XPO4: variants seen among roughly 807,000 people sequenced by gnomAD.
XPO4 encodes exportin-4.
XPO4 carries 39 observed loss-of-function variants against 143.0 expected under a neutral mutation model. The ratio of observed to expected loss-of-function variants is 0.27; its 90% CI spans 0.21 to 0.36. XPO4 has a LOEUF of 0.36. XPO4 is among the 10% of genes least tolerant of loss of function. The pLI is 1.00. For missense variants in XPO4, 907 were observed against 1,348.0 expected, an observed-to-expected ratio of 0.67 and a Z score of 5.12; for synonymous variants, 439 against 474.0, an observed-to-expected ratio of 0.93 and a Z score of 0.96.
chr13:20,798,866 C>A (rs1012899608), intron 16 of XPO4, among the ~76,000 whole-genome samples: 2 of 151,666 alleles, frequency 1.3e-5, no homozygotes, highest in East Asian at 1.9e-4. Flanking sequence ...CTAAAAAAAA[C>A]AAAAATTAGC....
chr13:20,843,181 T>C, intron 5 of XPO4, 133 bp from the exon 6 acceptor site: 1 of 852,580 alleles, frequency 1.2e-6, no homozygotes, highest in Non-Finnish European at 1.8e-6. Context: ...ACGTGTTCCA[T>C]TTTTAGGCCT....
chr13:20,857,902 T>C, intron 3 of XPO4: 5 of 985,000 alleles, frequency 5.1e-6, no homozygotes, highest in Non-Finnish European at 4.8e-6. Context: ...TTATTTCAAT[T>C]AAGAGGAAAA....
intron 6 of XPO4, 138 bp downstream of exon 6, chr13:20,842,757 T>G (rs558687679): frequency 1.3e-6 from 1 of 787,314 alleles, no homozygotes; most frequent in East Asian, 2.8e-5. Flanking sequence ...ATAAAGAAAT[T>G]AAATTCTATT....
chr13:20,850,711 G>T, intron 4 of XPO4: 1 of 783,268 alleles, frequency 1.3e-6, no homozygotes. Flanking sequence ...GCAGCAGTGA[G>T]TTATGAACAT....
intron 6 of XPO4, among the ~76,000 whole-genome samples, chr13:20,827,919 C>T (rs2059804146): frequency 6.6e-6 from 1 of 152,194 alleles, no homozygotes; most frequent in Admixed American, 6.5e-5. Flanking sequence ...ATTGATACTG[C>T]CACAGTAACT....
chr13:20,861,601 TA>T (rs1379882460), intron 3 of XPO4, among the ~76,000 whole-genome samples: 7 of 152,072 alleles, frequency 4.6e-5, no homozygotes, highest in Non-Finnish European at 1.0e-4. Context: ...AGGCCTCATA[TA>T]TTTTTTTTAA....
intron 1 of XPO4, among the ~76,000 whole-genome samples, chr13:20,881,473 T>C (rs879713842): frequency 1.2e-4 from 18 of 152,014 alleles, no homozygotes; most frequent in Non-Finnish European, 2.5e-4. Flanking sequence ...GGTTTCACTG[T>C]GTTAGCCAGG....
chr13:20,821,589 C>T (rs1050909563), intron 9 of XPO4, 115 bp downstream of exon 9: 115 of 1,173,964 alleles, frequency 9.8e-5, no homozygotes, highest in Admixed American at 1.9e-4. Flanking sequence ...AAAACAGTCA[C>T]TTTAACAATA....
intron 9 of XPO4, 46 bp downstream of exon 9, chr13:20,821,658 T>C (rs1007011722): frequency 1.9e-6 from 3 of 1,561,986 alleles, no homozygotes; most frequent in Non-Finnish European, 2.6e-6. Context: ...GCACCGCAAA[T>C]TTCCTTGTGA....
intron 1 of XPO4, among the ~76,000 whole-genome samples, chr13:20,873,401 G>T (rs557131581): frequency 1.5e-4 from 23 of 152,254 alleles, no homozygotes; most frequent in Admixed American, 1.4e-3. Flanking sequence ...ATTTTTCAGG[G>T]CTGACTATAT....
At chr13:20,813,870 A>G (rs1193149968) in intron 9 of XPO4, among the ~76,000 whole-genome samples, 1 of 152,010 alleles carries the variant, frequency 6.6e-6, no homozygotes, top group African/African-American at 2.4e-5. Flanking sequence ...AGGCAGAAGA[A>G]TCGCTTAAAC....
At chr13:20,864,060 T>C (rs2060224467) in intron 2 of XPO4, among the ~76,000 whole-genome samples, 1 of 152,178 alleles carries the variant, frequency 6.6e-6, no homozygotes, top group Non-Finnish European at 1.5e-5. Flanking sequence ...TGAACCTTTT[T>C]TTAAAGTTTT....
chr13:20,824,905 G>A (rs757204069), intron 7 of XPO4, among the ~76,000 whole-genome samples: 2 of 152,192 alleles, frequency 1.3e-5, no homozygotes, highest in South Asian at 4.1e-4. Context: ...CATCCAGTAA[G>A]CACTGGGATT....
Position 20,838,271 on chromosome 13 carries a change from C to T in XPO4, c.727+4624G>A, listed in dbSNP as rs550592057. On this transcript the variant is annotated intron_variant, in intron 6 of 22. Transcript: ENST00000255305. ...TGCTCAGTCAGCTTCAGCTGGTTTT[C>T]CCAATATTTTACAGTCACAATTAAT... 9.2e-5 allele frequency among the ~76,000 whole-genome samples: 14 copies of T among 152,210 alleles called. No individual in the cohort carries two copies. The South Asian group carries it at 2.9e-3, about 32-fold the overall frequency.
At chr13:20,857,596 A>G (rs1053311493) in intron 3 of XPO4, among the ~76,000 whole-genome samples, 3 of 150,906 alleles carry the variant, frequency 2.0e-5, no homozygotes, top group Admixed American at 1.3e-4. Flanking sequence ...GCGTGGTGGC[A>G]GGCACCTGTA....
intron 1 of XPO4, among the ~76,000 whole-genome samples, chr13:20,877,229 C>A (rs1034750077): frequency 6.6e-6 from 1 of 152,178 alleles, no homozygotes; most frequent in African/African-American, 2.4e-5. Context: ...AAGTAAAAGA[C>A]AATTTATAGC....
intron 9 of XPO4, among the ~76,000 whole-genome samples, chr13:20,810,900 G>T (rs1280416913): frequency 6.6e-6 from 1 of 152,116 alleles, no homozygotes; most frequent in East Asian, 1.9e-4. Flanking sequence ...GAATTAAAGT[G>T]TTACACCAAA....
chr13:20,810,799 A>G (rs188548002), intron 9 of XPO4, among the ~76,000 whole-genome samples: 82 of 152,356 alleles, frequency 5.4e-4, no homozygotes, highest in African/African-American at 1.9e-3. Context: ...GAGGCTGTAT[A>G]CGCTTCAAGA....
At chr13:20,857,303 A>G (rs187147532) in intron 3 of XPO4, among the ~76,000 whole-genome samples, 1 of 152,392 alleles carries the variant, frequency 6.6e-6, no homozygotes, top group Admixed American at 6.5e-5. Context: ...AATTAAAATT[A>G]TTATTAGAAT....
Sources: gnomAD v4.1 joint callset for allele counts (sites outside exome capture counted in the v4.1 genomes callset) on GRCh38, gnomAD v4.1.1 for gene constraint, MANE v1.5 for transcripts, NCBI Gene and HGNC (gene_info 2026-07-23, HGNC 2026-07-21) for gene names.